RUVBL2: variants seen among roughly 807,000 people sequenced by gnomAD.
RUVBL2 encodes ruvB-like 2.
Under a neutral mutation model 57.9 loss-of-function variants are expected in RUVBL2, and 9 were observed. That is an observed-to-expected ratio of 0.16 (90% confidence interval 0.09 to 0.27). RUVBL2 has a LOEUF of 0.27. Among genes scored for constraint, RUVBL2 ranks in the 10% least tolerant of loss-of-function variants. RUVBL2 has a pLI of 1.00. For missense variants in RUVBL2, 456 were observed against 669.6 expected (o/e 0.68, Z 3.52); for synonymous variants, 278 against 264.6 (o/e 1.05, Z -0.49).
chr19:49,001,355 A>T (rs1305200712), intron 2 of RUVBL2: 2 of 150,288 alleles, frequency 1.3e-5, no homozygotes, highest in East Asian at 4.0e-4. Context: ...GTAGAGATGG[A>T]GTTTCCCCGT....
At chr19:48,996,502 C>CTGTGTGTGTGTGTGTGTG (rs72341497) in intron 1 of RUVBL2, among the ~76,000 whole-genome samples, 2 of 138,148 alleles carry the variant, frequency 1.4e-5, no homozygotes, top group African/African-American at 2.8e-5. Flanking sequence ...ATTTTTGTAT[C>CTGTGTGTGTGTGTGTGTG]TGTGTGTGTG....
chr19:49,004,681 C>T (rs919487207), intron 4 of RUVBL2, among the ~76,000 whole-genome samples: 1 of 152,124 alleles, frequency 6.6e-6, no homozygotes, highest in Non-Finnish European at 1.5e-5. Flanking sequence ...TCCAAGAGGG[C>T]TGCCAGAGCT....
intron 2 of RUVBL2, among the ~76,000 whole-genome samples, chr19:49,000,987 T>C (rs534910409): frequency 6.6e-6 from 1 of 151,224 alleles, no homozygotes; most frequent in South Asian, 2.1e-4. Flanking sequence ...TGTGATCCTG[T>C]CTCTAAAAAA....
At chr19:49,012,748 G>A (rs1465102463) in intron 11 of RUVBL2, among the ~76,000 whole-genome samples, 10 of 152,056 alleles carry the variant, frequency 6.6e-5, no homozygotes, top group Admixed American at 2.0e-4. Flanking sequence ...TTAGTGCTAC[G>A]TTTGTCACTT....
At position 48,997,099 on chromosome 19, in the gene RUVBL2, G is replaced by C. The variant is rs117464027; in HGVS notation, c.13-2220G>C. On this transcript the variant is annotated intron_variant, in intron 1 of 14. Coordinates refer to ENST00000595090, the MANE Select transcript of RUVBL2 (RefSeq NM_006666.3). ...GCAGCCATTTCCACAGTCAATTTTA[G>C]AACATTGTCGTCACCCCAAAAAGAA... is the stretch of plus-strand genomic sequence containing the variant. Among the ~76,000 whole-genome samples, 567 of 151,956 alleles carry C rather than the reference G, an allele frequency of 3.7e-3. 26 individuals carry two copies. The East Asian group carries it at 0.094, about 25-fold the overall frequency.
At chr19:49,013,052 C>T (rs2039465319) in intron 11 of RUVBL2, among the ~76,000 whole-genome samples, 1 of 152,226 alleles carries the variant, frequency 6.6e-6, no homozygotes, top group South Asian at 2.1e-4. Context: ...CAACCTCTGC[C>T]TTCTGGGTTC....
At chr19:49,008,365 C>T (rs2039327560) in intron 6 of RUVBL2, among the ~76,000 whole-genome samples, 1 of 149,338 alleles carries the variant, frequency 6.7e-6, no homozygotes, top group Admixed American at 6.6e-5. Flanking sequence ...CTCAGCCTCC[C>T]GAGTAGCTGG....
At chr19:48,993,791 A>G, upstream of RUVBL2, 14 of 1,329,812 alleles carry the variant, frequency 1.1e-5, no homozygotes, top group Non-Finnish European at 1.5e-5. Context: ...CCCCCACAAT[A>G]TTTACATATT....
chr19:49,013,947 T>C (rs151029448), intron 11 of RUVBL2, among the ~76,000 whole-genome samples: 2 of 152,164 alleles, frequency 1.3e-5, no homozygotes, highest in East Asian at 3.9e-4. Context: ...AACACACAAA[T>C]GAAAATACGC....
chr19:48,993,776 C>T (rs559812390), upstream of RUVBL2: 66 of 1,206,912 alleles, frequency 5.5e-5, 1 homozygote, highest in Admixed American at 6.8e-4. Flanking sequence ...TAAAGTCCCG[C>T]CACGCCCCCA....
rs768881991 is a variant in RUVBL2, at chr19:49,010,987, T to C, written c.788-12T>C. Reference sequence around the variant, plus strand: ...TCTCTGGCTTCCCTGATGCAACCTGTGCCTCCCATAGGTGACACAGGGGAG... The same window carrying C: ...TCTCTGGCTTCCCTGATGCAACCTGCGCCTCCCATAGGTGACACAGGGGAG... On this transcript the variant is annotated splice_polypyrimidine_tract_variant and intron_variant, in intron 9 of 14. Coordinates refer to ENST00000595090, the MANE Select transcript of RUVBL2 (RefSeq NM_006666.3). The C allele has an allele frequency of 1.2e-6, 2 of 1,608,156 alleles. No homozygotes were observed. Among genetic ancestry groups the C allele is most frequent in the East Asian group, 4.5e-5 (2 of 44,690 alleles).
At chr19:49,002,082 T>C (rs1476186002) in intron 2 of RUVBL2, among the ~76,000 whole-genome samples, 2 of 151,744 alleles carry the variant, frequency 1.3e-5, no homozygotes, top group Non-Finnish European at 2.9e-5. Context: ...GGAGTCTCAC[T>C]GTGTTGCCCA....
chr19:49,004,267 C>T lies in RUVBL2; in HGVS notation c.124-10C>T, dbSNP rs753845121. 4 of 1,610,208 alleles carry T rather than the reference C, an allele frequency of 2.5e-6. No homozygotes were observed. In the African/African-American group the frequency reaches 4.0e-5, roughly 16 times the overall value. On this transcript the variant is annotated splice_polypyrimidine_tract_variant and intron_variant, in intron 3 of 14. Transcript: ENST00000595090. ...CAGGAAATCACCTCATGTGCGCCTC[C>T]CACCCACAGGCTTCGCAAGGCATGG...
chr19:49,010,140 C>T (rs781308282), intron 8 of RUVBL2, 74 bp downstream of exon 8: 35 of 1,315,302 alleles, frequency 2.7e-5, no homozygotes, highest in Non-Finnish European at 3.8e-5. Context: ...ACCCCCTTGA[C>T]CCATGGGGTC....
chr19:49,013,423 A>G (rs1366051426), intron 11 of RUVBL2, among the ~76,000 whole-genome samples: 4 of 151,500 alleles, frequency 2.6e-5, no homozygotes, highest in African/African-American at 7.3e-5. Context: ...TGTTGGTGAT[A>G]TTGCCATTTA....
chr19:49,007,413 C>T (rs903038300), intron 6 of RUVBL2, 45 bp downstream of exon 6: 1 of 1,571,738 alleles, frequency 6.4e-7, no homozygotes, highest in African/African-American at 1.4e-5. Flanking sequence ...ACCTCCAGCG[C>T]CAGGGTTGGA....
At position 49,015,579 on chromosome 19, in the gene RUVBL2, A is replaced by G; in HGVS notation, c.1259A>G (p.Glu420Gly). 1.2e-6 allele frequency: 2 copies of G among 1,613,482 alleles called. No individual in the cohort carries two copies. The highest frequency in any genetic ancestry group is 2.7e-5 in the African/African-American group (2 of 75,026). Residue 420 changes from glutamate (E) to glycine (G), a missense_variant, in exon 14 of 15, where the codon GAA becomes GGA. This residue lies in a region of RUVBL2 where 67 missense variants were observed against 71.5 expected (regional missense o/e 0.94). Coordinates refer to ENST00000595090, the MANE Select transcript of RUVBL2 (RefSeq NM_006666.3). ...CTCGCCCTCCCCCTCCAGGGTACAG[A>G]AGTGCAGGTGGATGACATCAAGCGG... ...SLVCRKRKGT[E>G]VQVDDIKRVY... is the part of the protein sequence containing the mutation.
rs752892762 is a variant in RUVBL2, at chr19:48,993,928, GTGTGGGTGCA to G, written c.12+8_12+17del. On this transcript the variant is annotated splice_donor_region_variant and intron_variant, in intron 1 of 14. Transcript: ENST00000595090. ...GTGAGCATCATGGCAACCGTTGTAA[GTGTGGGTGCA>G]TGGAGGGTGAGGAGCGAGCTAGCAG... The G allele has an allele frequency of 6.2e-7, 1 of 1,614,128 alleles. No individual in the cohort carries two copies. Among genetic ancestry groups the G allele is most frequent in the South Asian group, 1.1e-5 (1 of 91,084 alleles).
rs190536867 is a variant in RUVBL2 at position 49,008,936 on chromosome 19, A to G, written c.463-840A>G. Among the ~76,000 whole-genome samples, 28 of 151,938 alleles carry G rather than the reference A, an allele frequency of 1.8e-4. No homozygotes were observed. The East Asian group carries it at 3.3e-3, about 18-fold the overall frequency. On this transcript the variant is annotated intron_variant, in intron 6 of 14. Coordinates refer to ENST00000595090, the MANE Select transcript of RUVBL2 (RefSeq NM_006666.3). ...AGAAGTTGCAGTAAGCCGAGATCACACCATTGCACTCCAGCCTGGGCAACA... is the reference window on the plus strand; with the variant it reads ...AGAAGTTGCAGTAAGCCGAGATCACGCCATTGCACTCCAGCCTGGGCAACA...
Sources: gnomAD v4.1 joint callset for allele counts (sites outside exome capture counted in the v4.1 genomes callset) on GRCh38, gnomAD v4.1.1 for gene constraint, gnomAD v4.1.1 regional missense constraint, MANE v1.5 for transcripts, NCBI Gene and HGNC (gene_info 2026-07-23, HGNC 2026-07-21) for gene names.